NTM: variants seen among roughly 807,000 people sequenced by gnomAD.
The protein encoded by NTM is IgLON family member 2.
Under a neutral mutation model 42.1 loss-of-function variants are expected in NTM, and 13 were observed. The ratio of observed to expected loss-of-function variants is 0.31; its 90% confidence interval spans 0.20 to 0.49. The LOEUF (loss-of-function observed/expected upper bound fraction) is 0.49. Among genes scored for constraint, NTM ranks in the 20% least tolerant of loss-of-function variants. NTM has a pLI of 0.99. For missense variants in NTM, 373 were observed against 452.8 expected (o/e 0.82, Z 1.60); for synonymous variants, 187 against 179.2 (o/e 1.04, Z -0.35).
At chr11:132,104,937 G>GTGTGTGTGTATATATATATATA (rs1169190929) in intron 2 of NTM, among the ~76,000 whole-genome samples, 1 of 61,826 alleles carries the variant, frequency 1.6e-5, no homozygotes, top group Admixed American at 2.4e-4. Flanking sequence ...ATATACATAT[G>GTGTGTGTGTATATATATATATA]TATATATATA....
At chr11:131,761,737 A>G (rs1203380433) in intron 1 of NTM, among the ~76,000 whole-genome samples, 1 of 152,080 alleles carries the variant, frequency 6.6e-6, no homozygotes, top group African/African-American at 2.4e-5. Context: ...TGAACCTGGC[A>G]GGCGGAGGTT....
At chr11:132,046,641 T>C (rs560807233) in intron 2 of NTM, among the ~76,000 whole-genome samples, 41 of 152,182 alleles carry the variant, frequency 2.7e-4, no homozygotes, top group Admixed American at 2.2e-3. Flanking sequence ...TCCGGGAACA[T>C]GCTGAGTACA....
chr11:131,728,992 T>C (rs2079297310), intron 1 of NTM, among the ~76,000 whole-genome samples: 1 of 152,178 alleles, frequency 6.6e-6, no homozygotes, highest in South Asian at 2.1e-4. Context: ...ATATATGGTA[T>C]AAGATAATGC....
intron 3 of NTM, among the ~76,000 whole-genome samples, chr11:132,209,017 C>T (rs945362977): frequency 1.1e-4 from 17 of 151,918 alleles, no homozygotes; most frequent in Admixed American, 2.0e-4. Context: ...GACCAGCAAA[C>T]GTATGGGTTG....
intron 1 of NTM, among the ~76,000 whole-genome samples, chr11:131,741,162 TGAGAGAGAGAGAGAGAGAGAGA>T (rs71067330): frequency 1.7e-4 from 22 of 129,824 alleles, no homozygotes; most frequent in East Asian, 4.5e-4. Flanking sequence ...AAGACCCCGT[TGAGAGAGAGAGAGAGAGAGAGA>T]GAGAGAGAGA....
chr11:131,736,266 T>C (rs1427597349), intron 1 of NTM, among the ~76,000 whole-genome samples: 1 of 152,202 alleles, frequency 6.6e-6, no homozygotes, highest in Non-Finnish European at 1.5e-5. Context: ...GCCATCAAGC[T>C]ACTTGGTATC....
chr11:132,044,149 T>C (rs1345455158), intron 2 of NTM, among the ~76,000 whole-genome samples: 1 of 130,042 alleles, frequency 7.7e-6, no homozygotes, highest in Non-Finnish European at 1.6e-5. Context: ...TGTATGTGCG[T>C]GTGTGTGTGT....
chr11:131,679,271 C>T (rs927905813), intron 1 of NTM, among the ~76,000 whole-genome samples: 1 of 152,092 alleles, frequency 6.6e-6, no homozygotes, highest in Admixed American at 6.6e-5. Flanking sequence ...TGTGCAAAGA[C>T]ACAGAAGGGC....
chr11:132,053,966 G>A (rs993684546), intron 2 of NTM, among the ~76,000 whole-genome samples: 2 of 152,146 alleles, frequency 1.3e-5, no homozygotes, highest in East Asian at 1.9e-4. Flanking sequence ...CTGTAATCCC[G>A]GCACTTTGGG....
intron 1 of NTM, among the ~76,000 whole-genome samples, chr11:131,437,612 C>T (rs2135953860): frequency 6.6e-6 from 1 of 152,244 alleles, no homozygotes. Flanking sequence ...GCAACCTCTG[C>T]TTTTTATTTG....
chr11:132,232,207 G>A (rs551802728), intron 4 of NTM, among the ~76,000 whole-genome samples: 3 of 149,232 alleles, frequency 2.0e-5, no homozygotes, highest in Admixed American at 1.3e-4. Flanking sequence ...CCCACTGTGC[G>A]AGGAAAGGAA....
intron 1 of NTM, among the ~76,000 whole-genome samples, chr11:131,445,631 G>A (rs1006029006): frequency 6.6e-6 from 1 of 152,100 alleles, no homozygotes; most frequent in South Asian, 2.1e-4. Flanking sequence ...GTGTTTAGAG[G>A]TGTACTAGTG....
intron 3 of NTM, among the ~76,000 whole-genome samples, chr11:132,190,709 C>T (rs892814471): frequency 5.3e-5 from 8 of 149,830 alleles, no homozygotes; most frequent in African/African-American, 2.0e-4. Context: ...TTTACTCCAG[C>T]CTGGGTGACA....
At chr11:131,838,355 C>A (rs1425545782) in intron 1 of NTM, among the ~76,000 whole-genome samples, 2 of 152,166 alleles carry the variant, frequency 1.3e-5, no homozygotes, top group African/African-American at 4.8e-5. Flanking sequence ...GAGTGTCCAC[C>A]TCCTTAGTGA....
chr11:131,748,671 C>A lies in NTM; in HGVS notation c.83-162893C>A, dbSNP rs889655107. On this transcript the variant is annotated intron_variant, in intron 1 of 8. Transcript: ENST00000683400. ...GTGAATCACACATCGGTTCAAATGA[C>A]CTTCTGTTTTGAGAATGTTCCCAGG... is the stretch of plus-strand genomic sequence containing the variant. 2.0e-5 allele frequency among the ~76,000 whole-genome samples: 3 copies of A among 152,200 alleles called. No homozygotes were observed. The East Asian group carries it at 5.8e-4, about 29-fold the overall frequency.
intron 2 of NTM, among the ~76,000 whole-genome samples, chr11:131,933,491 C>T (rs910681302): frequency 2.6e-5 from 4 of 152,122 alleles, no homozygotes; most frequent in Admixed American, 6.5e-5. Context: ...AGGTACGAAA[C>T]GCACTGTTTT....
At chr11:131,873,298 G>A (rs753989100) in intron 1 of NTM, among the ~76,000 whole-genome samples, 11 of 151,684 alleles carry the variant, frequency 7.3e-5, no homozygotes, top group Non-Finnish European at 1.5e-4. Flanking sequence ...ACTCATAAGT[G>A]GGAGCTGAAC....
At chr11:131,943,457 A>G (rs1028876161) in intron 2 of NTM, among the ~76,000 whole-genome samples, 7 of 152,216 alleles carry the variant, frequency 4.6e-5, no homozygotes, top group African/African-American at 1.4e-4. Flanking sequence ...TAATGCAGCT[A>G]GTTTACGAGT....
At chr11:131,576,951 G>T (rs1258913744) in intron 1 of NTM, among the ~76,000 whole-genome samples, 1 of 152,196 alleles carries the variant, frequency 6.6e-6, no homozygotes, top group African/African-American at 2.4e-5. Flanking sequence ...TTAGCACTGT[G>T]CCTAGCCCAT....
Sources: allele counts gnomAD v4.1 joint callset (sites outside exome capture counted in the v4.1 genomes callset), GRCh38; gene constraint gnomAD v4.1.1; transcripts MANE v1.5; gene names NCBI Gene and HGNC (gene_info 2026-07-23, HGNC 2026-07-21).